Variants in KCNC2 observed in about 807,000 individuals in gnomAD.
The protein encoded by KCNC2 is voltage-gated potassium channel KCNC2.
Under a neutral mutation model 44.5 loss-of-function variants are expected in KCNC2, and 21 were observed. That is an observed-to-expected ratio of 0.47 (90% CI 0.33 to 0.68). KCNC2 has a LOEUF of 0.68. Ranked by LOEUF, KCNC2 falls within the 30% of genes least tolerant of loss-of-function variation. The pLI is 0.01. For synonymous variants in KCNC2, 391 were observed against 339.1 expected, an observed-to-expected ratio of 1.15 and a Z score of -1.68; for missense variants, 589 against 826.2, an observed-to-expected ratio of 0.71 and a Z score of 3.52.
At chr12:75,173,792 C>T (rs1891992469) in intron 2 of KCNC2, among the ~76,000 whole-genome samples, 1 of 151,788 alleles carries the variant, frequency 6.6e-6, no homozygotes, top group African/African-American at 2.4e-5. Context: ...TACTGCAATA[C>T]TCTTCATGTT....
intron 2 of KCNC2, among the ~76,000 whole-genome samples, chr12:75,137,157 G>C (rs1169782577): frequency 1.3e-5 from 2 of 152,008 alleles, no homozygotes; most frequent in Non-Finnish European, 1.5e-5. Flanking sequence ...TCAAAATACT[G>C]TCTCAACTAG....
chr12:75,167,223 A>G (rs1891515030), intron 2 of KCNC2, among the ~76,000 whole-genome samples: 1 of 151,324 alleles, frequency 6.6e-6, no homozygotes, highest in African/African-American at 2.4e-5. Flanking sequence ...AAGCAAACAT[A>G]TGGATGACCT....
intron 2 of KCNC2, among the ~76,000 whole-genome samples, chr12:75,070,239 C>T (rs1401246613): frequency 6.6e-6 from 1 of 152,020 alleles, no homozygotes; most frequent in Non-Finnish European, 1.5e-5. Context: ...TGCTTGAGGT[C>T]AGGAGTTCAA....
chr12:75,205,137 C>A (rs138339168), intron 2 of KCNC2, among the ~76,000 whole-genome samples: 1 of 152,110 alleles, frequency 6.6e-6, no homozygotes, highest in African/African-American at 2.4e-5. Context: ...ACAATCCAGT[C>A]CAGTTATAAT....
chr12:75,071,734 G>A (rs888333115), intron 2 of KCNC2, among the ~76,000 whole-genome samples: 4 of 151,796 alleles, frequency 2.6e-5, no homozygotes, highest in Non-Finnish European at 5.9e-5. Flanking sequence ...GGCGGATCAC[G>A]AGGTCAGGAG....
chr12:75,181,896 T>A (rs963678705), intron 2 of KCNC2, among the ~76,000 whole-genome samples: 11 of 146,478 alleles, frequency 7.5e-5, no homozygotes, highest in African/African-American at 2.5e-4. Context: ...TAGGGAAACA[T>A]TATTACTATT....
At chr12:75,055,614 A>G (rs1881657780) in intron 2 of KCNC2, among the ~76,000 whole-genome samples, 1 of 152,118 alleles carries the variant, frequency 6.6e-6, no homozygotes, top group Admixed American at 6.6e-5. Context: ...GCATCATCCC[A>G]GGTAGTTTCA....
In KCNC2 at chr12:75,108,191, G is replaced by C. The variant is rs537042945; in HGVS notation, c.688-56874C>G. ...TCCAAAGCTAACTAAATAGATCCAA[G>C]AAGGATTAATTAACAGCATGAGTTT... On this transcript the variant is annotated intron_variant, in intron 2 of 4. Transcript: ENST00000549446. 1.3e-3 allele frequency among the ~76,000 whole-genome samples: 196 copies of C among 152,272 alleles called. 1 individual carries two copies. Among genetic ancestry groups the C allele is most frequent in the Middle Eastern group, 3.4e-3 (1 of 294 alleles).
rs1163091551 is a variant in KCNC2 at position 75,207,687 on chromosome 12, G to T, written c.297C>A (p.Gly99=). 6.2e-7 allele frequency: 1 copy of T among 1,600,970 alleles called. No individual in the cohort carries two copies. The highest frequency in any genetic ancestry group is 8.5e-7 in the Non-Finnish European group (1 of 1,174,804). Reference sequence around the variant, plus strand: ...GGTGCCGGTCGAAGAAGAACTCGCGGCCGCCACCGGGATGGTCGCTGGCCC... The same window carrying T: ...GGTGCCGGTCGAAGAAGAACTCGCGTCCGCCACCGGGATGGTCGCTGGCCC... ...GGRASDHPGG[G]REFFFDRHPG... The change falls in exon 2 of 5, where the codon GGC becomes GGA. Residue 99 remains glycine, a synonymous_variant. Transcript: ENST00000549446. The surrounding 1 kb of genome is among the most constrained non-coding windows in gnomAD (Gnocchi z 4.1).
At chr12:75,089,723 T>C (rs957992431) in intron 2 of KCNC2, among the ~76,000 whole-genome samples, 1 of 151,880 alleles carries the variant, frequency 6.6e-6, no homozygotes, top group Non-Finnish European at 1.5e-5. Context: ...TTGTTTCAGA[T>C]TAAAATATCT....
chr12:75,070,728 A>C (rs1208175992), intron 2 of KCNC2, among the ~76,000 whole-genome samples: 1 of 151,874 alleles, frequency 6.6e-6, no homozygotes, highest in Non-Finnish European at 1.5e-5. Context: ...ACCCTTTATA[A>C]AATTTATATC....
chr12:75,188,266 C>T (rs963972594), intron 2 of KCNC2, among the ~76,000 whole-genome samples: 2 of 152,094 alleles, frequency 1.3e-5, no homozygotes, highest in South Asian at 4.1e-4. Context: ...ACCATAAATA[C>T]ATATAGTTGG....
chr12:75,190,554 G>A (rs1010289163), intron 2 of KCNC2, among the ~76,000 whole-genome samples: 1 of 152,130 alleles, frequency 6.6e-6, no homozygotes, highest in Non-Finnish European at 1.5e-5. Context: ...CTAAATGTTA[G>A]ATAGCAGGTT....
chr12:75,159,801 G>C (rs1193388962), intron 2 of KCNC2, among the ~76,000 whole-genome samples: 1 of 151,752 alleles, frequency 6.6e-6, no homozygotes, highest in East Asian at 1.9e-4. Context: ...ACACACTCAA[G>C]AGTCTGCATA....
intron 3 of KCNC2, among the ~76,000 whole-genome samples, chr12:75,049,672 C>T (rs998389781): frequency 7.9e-5 from 12 of 151,962 alleles, no homozygotes; most frequent in African/African-American, 2.9e-4. Flanking sequence ...AAAGGAATTC[C>T]ACTGAGAAAT....
chr12:75,132,818 A>G (rs1888948043), intron 2 of KCNC2, among the ~76,000 whole-genome samples: 1 of 152,282 alleles, frequency 6.6e-6, no homozygotes, highest in Non-Finnish European at 1.5e-5. Context: ...AAGTGATTCT[A>G]TAACACTACT....
chr12:75,099,756 T>C (rs1002988351), intron 2 of KCNC2, among the ~76,000 whole-genome samples: 3 of 152,066 alleles, frequency 2.0e-5, no homozygotes, highest in Non-Finnish European at 2.9e-5. Flanking sequence ...ACAAACAAAA[T>C]ATATTCCAAA....
intron 2 of KCNC2, among the ~76,000 whole-genome samples, chr12:75,166,166 A>G (rs182519189): frequency 2.0e-5 from 3 of 151,402 alleles, no homozygotes; most frequent in Non-Finnish European, 4.4e-5. Flanking sequence ...TGAGAGAAAT[A>G]AACATTTTAT....
At chr12:75,168,581 G>A (rs1037317827) in intron 2 of KCNC2, among the ~76,000 whole-genome samples, 10 of 151,556 alleles carry the variant, frequency 6.6e-5, no homozygotes, top group South Asian at 2.1e-4. Flanking sequence ...AACAAAGTCC[G>A]TTAGTTTTGA....
Sources: gnomAD v4.1 joint callset for allele counts (sites outside exome capture counted in the v4.1 genomes callset) on GRCh38, gnomAD v4.1.1 for gene constraint, Gnocchi (gnomAD v3.1) non-coding constraint, MANE v1.5 for transcripts, NCBI Gene and HGNC (gene_info 2026-07-23, HGNC 2026-07-21) for gene names.